Variants in MCMDC2 observed in about 807,000 individuals in gnomAD.
The protein encoded by MCMDC2 is minichromosome maintenance domain-containing protein 2.
A neutral mutation model predicts 75.8 loss-of-function variants in MCMDC2; 54 were observed. The ratio of observed to expected loss-of-function variants is 0.71; its 90% CI spans 0.57 to 0.89. MCMDC2 has a LOEUF of 0.89. Ranked by LOEUF, MCMDC2 falls within the 40% of genes least tolerant of loss-of-function variation. MCMDC2 has a pLI of 0.00. For missense variants in MCMDC2, 656 were observed against 780.4 expected, an observed-to-expected ratio of 0.84 and a Z score of 1.90; for synonymous variants, 249 against 274.6, an observed-to-expected ratio of 0.91 and a Z score of 0.92.
In MCMDC2 at chr8:66,874,593, T is replaced by G; in HGVS notation, c.285+7T>G. The G allele has an allele frequency of 6.2e-7, 1 of 1,609,276 alleles. No homozygotes were observed. The highest frequency in any genetic ancestry group is 2.2e-5 in the East Asian group (1 of 44,750). On this transcript the variant is annotated splice_region_variant and intron_variant, in intron 4 of 14. Transcript: ENST00000422365. ...ATTGCAGACTGAAACGCAAGTAAGT[T>G]TTAGTTACATTTAAGCAAACTCAGG...
chr8:66,924,024 C>T (rs944831640), downstream of MCMDC2, among the ~76,000 whole-genome samples: 4 of 151,838 alleles, frequency 2.6e-5, no homozygotes, highest in Admixed American at 6.6e-5. Flanking sequence ...ACAATAGATA[C>T]CCTAGTATTG....
In MCMDC2 at chr8:66,880,806, C is replaced by A. The variant is rs1348515302; in HGVS notation, c.710-43C>A. 4.1e-6 allele frequency: 6 copies of A among 1,458,484 alleles called. No individual in the cohort carries two copies. The African/African-American group carries it at 7.2e-5, about 18-fold the overall frequency. 90.3% of individuals were successfully genotyped at this position (1,458,484 alleles called of 1,614,324 possible). A position where few individuals can be genotyped will look rare whatever the true frequency, so the allele number is the denominator to read the frequency against. On this transcript the variant is annotated intron_variant, in intron 7 of 14. Coordinates refer to ENST00000422365, the MANE Select transcript of MCMDC2 (RefSeq NM_173518.5). ...GAACCATATGTTCATGTACAAAGTTCATTTAGTGAATATGTATTTTCTTCT... is the reference window on the plus strand; with the variant it reads ...GAACCATATGTTCATGTACAAAGTTAATTTAGTGAATATGTATTTTCTTCT...
At chr8:66,905,375 T>C in intron 14 of MCMDC2, 40 bp downstream of exon 14, 1 of 1,360,242 alleles carries the variant, frequency 7.4e-7, no homozygotes, top group Non-Finnish European at 9.6e-7. Flanking sequence ...CAAATAACTT[T>C]TATTTAACCT....
At chr8:66,896,468 A>G in intron 11 of MCMDC2, 132 bp downstream of exon 11, 1 of 831,306 alleles carries the variant, frequency 1.2e-6, no homozygotes, top group Non-Finnish European at 1.8e-6. Flanking sequence ...ATGATGACCC[A>G]GTTGTTTAAA....
chr8:66,911,612 T>C (rs1186884148), intron 14 of MCMDC2, among the ~76,000 whole-genome samples: 1 of 152,034 alleles, frequency 6.6e-6, no homozygotes, highest in Non-Finnish European at 1.5e-5. Flanking sequence ...TCACCCTAGA[T>C]CAGGAGTTCA....
intron 14 of MCMDC2, among the ~76,000 whole-genome samples, chr8:66,915,990 T>C (rs1417945635): frequency 1.3e-5 from 2 of 152,286 alleles, no homozygotes; most frequent in East Asian, 3.9e-4. Context: ...TTCAGTTTGG[T>C]AACCTAAAGG....
rs755823904 is a variant in MCMDC2 at position 66,890,870 on chromosome 8, T to C, written c.1079T>C (p.Leu360Pro). Residue 360 changes from leucine (L) to proline (P), a missense_variant, in exon 10 of 15, where the codon CTG becomes CCG. Leu to Pro is a moderately conservative substitution (Grantham distance 98). Transcript: ENST00000422365. ...AGTTTATTTTTTTTCCCTAGGCTTCTGAATTTTAGCATAAACCTTGTCCCC... is the reference window on the plus strand; with the variant it reads ...AGTTTATTTTTTTTCCCTAGGCTTCCGAATTTTAGCATAAACCTTGTCCCC... ...TSDTLLIDRL[L>P]NFSINLVPRG... 6.2e-7 allele frequency: 1 copy of C among 1,600,274 alleles called. No homozygotes were observed. The highest frequency in any genetic ancestry group is 1.3e-5 in the African/African-American group (1 of 74,080).
rs896280838 is a variant in MCMDC2, at chr8:66,890,893, C to G, written c.1102C>G (p.Pro368Ala). The G allele has an allele frequency of 6.2e-7, 1 of 1,611,752 alleles. No individual in the cohort carries two copies. Among genetic ancestry groups the G allele is most frequent in the Non-Finnish European group, 8.5e-7 (1 of 1,179,518 alleles). Residue 368 changes from proline to alanine, a missense_variant, in exon 10 of 15, where the codon CCC becomes GCC. By Grantham distance (27) the Pro-to-Ala change is conservative. Coordinates refer to ENST00000422365, the MANE Select transcript of MCMDC2 (RefSeq NM_173518.5). ...TCTGAATTTTAGCATAAACCTTGTCCCCCGTGGTATACGTCATCTAGTCTC... is the reference window on the plus strand; with the variant it reads ...TCTGAATTTTAGCATAAACCTTGTCGCCCGTGGTATACGTCATCTAGTCTC... ...RLLNFSINLVPRGIRHLVSTE... is the reference protein window; with the variant it reads ...RLLNFSINLVARGIRHLVSTE...
chr8:66,881,976 C>A (rs565685627), intron 8 of MCMDC2, among the ~76,000 whole-genome samples: 6 of 152,164 alleles, frequency 3.9e-5, no homozygotes, highest in African/African-American at 1.4e-4. Context: ...CAAAGTGATC[C>A]CCAAATGCAG....
chr8:66,877,229 G>T, intron 4 of MCMDC2, 120 bp from the exon 5 acceptor site: 1 of 536,476 alleles, frequency 1.9e-6, no homozygotes, highest in South Asian at 3.2e-5. Flanking sequence ...TTAAAATTTT[G>T]GTTCCTAAGA....
chr8:66,874,225 T>C lies in MCMDC2; in HGVS notation c.85T>C (p.Tyr29His). ...CCAAAAGTTTATAGATGATTGCAAG[T>C]ACTACAATGGTACGTTCAGCAAAGG... The part of the protein sequence containing the change: ...GLQKFIDDCK[Y>H]YNDSKQSYAV... Residue 29 changes from tyrosine to histidine, a missense_variant, in exon 2 of 15, where the codon TAC (tyrosine) becomes CAC (histidine). Transcript: ENST00000422365. 6.2e-7 allele frequency: 1 copy of C among 1,612,420 alleles called. No homozygotes were observed. Among genetic ancestry groups the C allele is most frequent in the Non-Finnish European group, 8.5e-7 (1 of 1,179,502 alleles).
intron 14 of MCMDC2, among the ~76,000 whole-genome samples, chr8:66,913,276 A>C (rs1158229885): frequency 6.6e-6 from 1 of 152,220 alleles, no homozygotes; most frequent in Non-Finnish European, 1.5e-5. Flanking sequence ...ACTACAATAT[A>C]GGGTAAATAT....
chr8:66,912,829 T>C (rs956773642), intron 14 of MCMDC2, among the ~76,000 whole-genome samples: 1 of 151,974 alleles, frequency 6.6e-6, no homozygotes. Context: ...AAATACCTAA[T>C]GTAGGTGACG....
intron 10 of MCMDC2, among the ~76,000 whole-genome samples, chr8:66,895,400 C>CTT (rs34840665): frequency 0.015 from 2,086 of 136,334 alleles, 58 homozygotes; most frequent in African/African-American, 0.051. Context: ...TTCTTTCTTT[C>CTT]TTTTTTTTTT....
At chr8:66,903,838 G>C (rs781342337) in intron 13 of MCMDC2, among the ~76,000 whole-genome samples, 1 of 152,102 alleles carries the variant, frequency 6.6e-6, no homozygotes, top group African/African-American at 2.4e-5. Context: ...GAGGATATCA[G>C]AGACATGATA....
intron 1 of MCMDC2, chr8:66,871,593 C>T (rs1362588307): frequency 1.3e-5 from 2 of 152,200 alleles, no homozygotes; most frequent in African/African-American, 2.4e-5. Flanking sequence ...AACCTACTTT[C>T]CACATTGGCA....
chr8:66,916,139 G>T (rs573450279), intron 14 of MCMDC2, among the ~76,000 whole-genome samples: 1 of 151,992 alleles, frequency 6.6e-6, no homozygotes, highest in African/African-American at 2.4e-5. Context: ...GTTCAGGAAG[G>T]AACTTTTTTT....
intron 4 of MCMDC2, among the ~76,000 whole-genome samples, chr8:66,875,591 G>T (rs1297710542): frequency 6.6e-6 from 1 of 152,056 alleles, no homozygotes; most frequent in Non-Finnish European, 1.5e-5. Context: ...GGACATTTTT[G>T]TTATGTTACC....
chr8:66,904,444 A>C (rs1444200960), intron 13 of MCMDC2, among the ~76,000 whole-genome samples: 1 of 152,166 alleles, frequency 6.6e-6, no homozygotes. Flanking sequence ...GATTGATAGA[A>C]TCTTGGTTAT....
Sources: gnomAD v4.1 joint callset for allele counts (sites outside exome capture counted in the v4.1 genomes callset) on GRCh38, gnomAD v4.1.1 for gene constraint, MANE v1.5 for transcripts, NCBI Gene and HGNC (gene_info 2026-07-23, HGNC 2026-07-21) for gene names.